Variants in RNF216 observed in about 807,000 individuals in gnomAD.
RNF216 encodes the protein E3 ubiquitin-protein ligase RNF216.
Under a neutral mutation model 110.8 loss-of-function variants are expected in RNF216, and 72 were observed. The ratio of observed to expected loss-of-function variants is 0.65; its 90% CI spans 0.54 to 0.79. The LOEUF is 0.79. RNF216 is among the 30% of genes least tolerant of loss of function. The pLI is 0.00. For missense variants in RNF216, 1,342 were observed against 1,141.2 expected (o/e 1.18, Z -2.54); for synonymous variants, 495 against 407.5 (o/e 1.21, Z -2.59).
intron 2 of RNF216, chr7:5,760,443 G>T: frequency 2.6e-6 from 1 of 386,646 alleles, no homozygotes; most frequent in Non-Finnish European, 5.3e-6. Context: ...TTGAACCCAG[G>T]AGGCGGAGCT....
chr7:5,711,966 T>G (rs1792728321), intron 12 of RNF216, 127 bp from the exon 13 acceptor site: 4 of 725,798 alleles, frequency 5.5e-6, no homozygotes, highest in Admixed American at 2.8e-5. Flanking sequence ...TTATACTCCT[T>G]AGTTTTCCTT....
chr7:5,638,202 C>T (rs1203122441), intron 15 of RNF216, among the ~76,000 whole-genome samples: 2 of 152,186 alleles, frequency 1.3e-5, no homozygotes, highest in Non-Finnish European at 2.9e-5. Flanking sequence ...TGAAAATCTT[C>T]CTGTTTCTTT....
intron 13 of RNF216, among the ~76,000 whole-genome samples, chr7:5,674,551 C>T (rs1790143874): frequency 6.6e-6 from 1 of 151,880 alleles, no homozygotes; most frequent in African/African-American, 2.4e-5. Flanking sequence ...TCACTTAAGC[C>T]CAGGAGGTCG....
At chr7:5,731,750 C>T (rs1794103222) in intron 5 of RNF216, among the ~76,000 whole-genome samples, 1 of 151,306 alleles carries the variant, frequency 6.6e-6, no homozygotes. Context: ...ACCTGCAGTT[C>T]TCACACACTT....
chr7:5,682,653 C>T (rs558640972), intron 13 of RNF216, among the ~76,000 whole-genome samples: 2 of 152,230 alleles, frequency 1.3e-5, no homozygotes, highest in African/African-American at 4.8e-5. Flanking sequence ...ATGATCCACC[C>T]ACCTCAGCCT....
At chr7:5,661,018 T>G (rs1050634732) in intron 13 of RNF216, among the ~76,000 whole-genome samples, 3 of 139,956 alleles carry the variant, frequency 2.1e-5, no homozygotes, top group Non-Finnish European at 4.5e-5. Context: ...TCCGACTCAC[T>G]GCAACCTCCG....
At chr7:5,771,584 C>T (rs138643936) in intron 1 of RNF216, among the ~76,000 whole-genome samples, 1 of 152,168 alleles carries the variant, frequency 6.6e-6, no homozygotes, top group South Asian at 2.1e-4. Context: ...ATCACTTGAG[C>T]TCAGGAGTCT....
chr7:5,771,454 G>T (rs1208544299), intron 1 of RNF216, among the ~76,000 whole-genome samples: 1 of 151,994 alleles, frequency 6.6e-6, no homozygotes, highest in Non-Finnish European at 1.5e-5. Context: ...GAATGAAAAG[G>T]CAAGCCACCA....
chr7:5,676,229 C>T (rs976836865), intron 13 of RNF216, among the ~76,000 whole-genome samples: 1 of 152,096 alleles, frequency 6.6e-6, no homozygotes, highest in East Asian at 1.9e-4. Flanking sequence ...TCAGGCTGAT[C>T]TTGAACTCCT....
intron 15 of RNF216, among the ~76,000 whole-genome samples, chr7:5,627,529 C>T (rs1343437919): frequency 6.6e-6 from 1 of 152,154 alleles, no homozygotes; most frequent in South Asian, 2.1e-4. Flanking sequence ...AGGCGGACCA[C>T]GAGGTCAGGA....
At chr7:5,769,313 T>G (rs1796371463) in intron 1 of RNF216, among the ~76,000 whole-genome samples, 1 of 152,036 alleles carries the variant, frequency 6.6e-6, no homozygotes, top group African/African-American at 2.4e-5. Context: ...AGAAGGGGTT[T>G]CACCATGTTG....
intron 13 of RNF216, among the ~76,000 whole-genome samples, chr7:5,654,802 G>A (rs963613835): frequency 2.6e-5 from 4 of 151,312 alleles, no homozygotes; most frequent in Non-Finnish European, 4.4e-5. Flanking sequence ...ATGCGGATAT[G>A]CTCTGTTCCC....
chr7:5,766,102 A>G (rs1055161375), intron 1 of RNF216, among the ~76,000 whole-genome samples: 20 of 152,040 alleles, frequency 1.3e-4, no homozygotes, highest in African/African-American at 4.3e-4. Context: ...TGGGCAATAT[A>G]GCTAGACCCT....
chr7:5,750,874 G>C (rs541984930), intron 3 of RNF216, among the ~76,000 whole-genome samples: 1 of 152,344 alleles, frequency 6.6e-6, no homozygotes, highest in South Asian at 2.1e-4. Flanking sequence ...CCCAGTCATG[G>C]GATGCGAGAT....
At chr7:5,752,200 T>A (rs563752141) in intron 3 of RNF216, among the ~76,000 whole-genome samples, 54 of 150,308 alleles carry the variant, frequency 3.6e-4, no homozygotes, top group African/African-American at 1.2e-3. Flanking sequence ...ATAAAAAAAA[T>A]GAAAGTACAA....
At chr7:5,685,479 C>A (rs1398680159) in intron 13 of RNF216, among the ~76,000 whole-genome samples, 3 of 152,178 alleles carry the variant, frequency 2.0e-5, no homozygotes, top group Non-Finnish European at 4.4e-5. Flanking sequence ...TTCCAAGACA[C>A]TAAGGGATGC....
chr7:5,757,795 A>AC (rs1795723513), intron 2 of RNF216, among the ~76,000 whole-genome samples: 1 of 152,200 alleles, frequency 6.6e-6, no homozygotes. Context: ...TCCATATCAT[A>AC]ATTCAGGTGG....
chr7:5,664,129 C>T (rs926018840), intron 13 of RNF216, among the ~76,000 whole-genome samples: 3 of 152,142 alleles, frequency 2.0e-5, no homozygotes, highest in African/African-American at 7.2e-5. Flanking sequence ...CAAGACAAAG[C>T]ACATCTTCTC....
chr7:5,626,492 G>A (rs1341216246), intron 15 of RNF216, among the ~76,000 whole-genome samples: 1 of 151,872 alleles, frequency 6.6e-6, no homozygotes, highest in Non-Finnish European at 1.5e-5. Context: ...ACTGGTGGGA[G>A]GATCACTTGG....
Sources: gnomAD v4.1 joint callset for allele counts (sites outside exome capture counted in the v4.1 genomes callset) on GRCh38, gnomAD v4.1.1 for gene constraint, MANE v1.5 for transcripts, NCBI Gene and HGNC (gene_info 2026-07-23, HGNC 2026-07-21) for gene names.